The following ZNF680 variants were observed in gnomAD, a reference collection of about 807,000 sequenced individuals.
The protein encoded by ZNF680 is hypothetical protein FLJ90430.
In ZNF680, 6 loss-of-function variants were observed where a neutral mutation model predicts 12.1. That is an observed-to-expected ratio of 0.49 (90% CI 0.27 to 0.98). The LOEUF is 0.98. ZNF680 is among the 50% of genes least tolerant of loss of function. The probability of loss-of-function intolerance (pLI) is 0.12; values close to 1 mark genes in which losing one functional copy is unlikely to be tolerated. For missense variants in ZNF680, 561 were observed against 616.3 expected (o/e 0.91, Z 0.95); for synonymous variants, 170 against 199.3 (o/e 0.85, Z 1.24).
At chr7:64,515,148 ACAAG>A (rs1352583943), downstream of ZNF680, among the ~76,000 whole-genome samples, 1 of 152,128 alleles carries the variant, frequency 6.6e-6, no homozygotes, top group African/African-American at 2.4e-5. Flanking sequence ...AAACCTTTTA[ACAAG>A]CAAGGTACAC....
At chr7:64,505,695 T>C in the ZNF680 span, among the ~76,000 whole-genome samples, 1 of 152,186 alleles carries the variant, frequency 6.6e-6, no homozygotes, top group African/African-American at 2.4e-5. Context: ...ATTGACGTAA[T>C]CAGTGTTGTC....
At chr7:64,512,760 A>C in the ZNF680 span, among the ~76,000 whole-genome samples, 1 of 151,286 alleles carries the variant, frequency 6.6e-6, no homozygotes, top group Non-Finnish European at 1.5e-5. Context: ...GTAACTACTA[A>C]ATCTTTTTTT....
chr7:64,542,950 T>G (rs1786585956), intron 3 of ZNF680, among the ~76,000 whole-genome samples: 1 of 152,134 alleles, frequency 6.6e-6, no homozygotes, highest in Non-Finnish European at 1.5e-5. Flanking sequence ...CTCCCTGCCT[T>G]GGCCTCCCAA....
rs763306090 is a variant in ZNF680 at position 64,521,405 on chromosome 7, G to T, written c.1349C>A (p.Thr450Asn). The T allele has an allele frequency of 5.5e-5, 88 of 1,613,460 alleles. 4 individuals are homozygous for T. The South Asian group carries it at 9.7e-4, about 18-fold the overall frequency. The change falls in exon 4 of 4, where the codon ACT (threonine) becomes AAT (asparagine). Residue 450 changes from threonine (T) to asparagine (N), a missense_variant. Thr to Asn is a moderately conservative substitution (Grantham distance 65). Coordinates refer to ENST00000309683, the MANE Select transcript of ZNF680 (RefSeq NM_178558.5). ...GKGFTLFSTL[T>N]NHKVIHTGEK... The stretch of plus-strand genomic sequence containing the variant: ...TCCAGTATGAATTACTTTATGGTTA[G>T]TAAGGGTTGAAAATAAAGTAAAGCC...
chr7:64,516,683 C>T (rs113048805), downstream of ZNF680, among the ~76,000 whole-genome samples: 13 of 152,182 alleles, frequency 8.5e-5, no homozygotes, highest in African/African-American at 2.4e-4. Flanking sequence ...TTAATCAGGA[C>T]GTGAAACTTT....
At chr7:64,501,642 T>C in the ZNF680 span, 2 of 825,482 alleles carry the variant, frequency 2.4e-6, no homozygotes, top group Non-Finnish European at 4.1e-6. Flanking sequence ...AGGTGGGGGA[T>C]GGCCAGCTGG....
intron 3 of ZNF680, chr7:64,526,508 C>A (rs750087997): frequency 2.7e-6 from 2 of 746,520 alleles, no homozygotes; most frequent in South Asian, 1.9e-5. Context: ...CTGAGCAACA[C>A]AGTAAGACTC....
chr7:64,535,163 A>T (rs1786093553), intron 3 of ZNF680, among the ~76,000 whole-genome samples: 1 of 152,136 alleles, frequency 6.6e-6, no homozygotes. Flanking sequence ...AAAAAATAAA[A>T]GAGAATTTGA....
At chr7:64,515,606 C>T (rs1273307343), downstream of ZNF680, among the ~76,000 whole-genome samples, 2 of 152,076 alleles carry the variant, frequency 1.3e-5, no homozygotes, top group Non-Finnish European at 2.9e-5. Context: ...AATAAAAAAA[C>T]AGGCACAAAG....
At chr7:64,504,254 T>G in the ZNF680 span, among the ~76,000 whole-genome samples, 1 of 152,206 alleles carries the variant, frequency 6.6e-6, no homozygotes, top group Non-Finnish European at 1.5e-5. Flanking sequence ...TTTATATCAG[T>G]GGAAAACAGG....
intron 3 of ZNF680, among the ~76,000 whole-genome samples, chr7:64,529,772 C>T (rs553351599): frequency 6.6e-6 from 1 of 152,142 alleles, no homozygotes; most frequent in East Asian, 1.9e-4. Context: ...GAGACCTAGA[C>T]ATCCAAATAC....
At chr7:64,511,595 C>A in the ZNF680 span, among the ~76,000 whole-genome samples, 3,078 of 149,222 alleles carry the variant, frequency 0.021, 57 homozygotes, top group Middle Eastern at 0.055. Context: ...AACAAACAAA[C>A]AAAAAAAAAC....
chr7:64,522,812 CA>C (rs552102552), intron 3 of ZNF680, among the ~76,000 whole-genome samples: 58 of 151,396 alleles, frequency 3.8e-4, no homozygotes, highest in South Asian at 2.3e-3. Flanking sequence ...TTTAAATAAC[CA>C]GTGAATTTGT....
chr7:64,501,044 T>C, the ZNF680 span: 2 of 742,194 alleles, frequency 2.7e-6, no homozygotes, highest in African/African-American at 1.7e-5. Flanking sequence ...AAGGGCAGAA[T>C]AATTGCTGGC....
rs372621774 is a variant in ZNF680 at position 64,544,287 on chromosome 7, G to A, written c.157+19C>T. 2.7e-5 allele frequency: 43 copies of A among 1,596,708 alleles called. No individual in the cohort carries two copies. In the South Asian group the frequency reaches 4.4e-4, roughly 16 times the overall value. ...ACCTTTAGGGCATATTAGGAATTGT[G>A]TGTTGAAGTTATCCTCACCCAGGAA... On this transcript the variant is annotated intron_variant, in intron 2 of 3. Coordinates refer to ENST00000309683, the MANE Select transcript of ZNF680 (RefSeq NM_178558.5).
chr7:64,500,138 T>C, the ZNF680 span, among the ~76,000 whole-genome samples: 1 of 152,224 alleles, frequency 6.6e-6, no homozygotes, highest in Non-Finnish European at 1.5e-5. Context: ...CCTGTCCCTG[T>C]TGACTGTCAA....
rs1460796283 is a variant in ZNF680 at position 64,532,493 on chromosome 7, T to C, written c.254-9993A>G. 3.3e-5 allele frequency among the ~76,000 whole-genome samples: 5 copies of C among 152,180 alleles called. No homozygotes were observed. In the East Asian group the frequency reaches 9.7e-4, roughly 29 times the overall value. On this transcript the variant is annotated intron_variant, in intron 3 of 3. Coordinates refer to ENST00000309683, the MANE Select transcript of ZNF680 (RefSeq NM_178558.5). ...CTGTAAAAATAAAACCCTCCTACCCTGAACAGACCAAAAGCAAGTAGCTTT... is the reference window on the plus strand; with the variant it reads ...CTGTAAAAATAAAACCCTCCTACCCCGAACAGACCAAAAGCAAGTAGCTTT...
At chr7:64,502,225 C>G in the ZNF680 span, among the ~76,000 whole-genome samples, 1 of 151,890 alleles carries the variant, frequency 6.6e-6, no homozygotes, top group Non-Finnish European at 1.5e-5. Flanking sequence ...GTTGGCCAGG[C>G]TGGTCTTGAA....
intron 1 of ZNF680, among the ~76,000 whole-genome samples, chr7:64,546,996 TCCA>T (rs1323467237): frequency 3.3e-5 from 5 of 152,092 alleles, no homozygotes; most frequent in Admixed American, 2.6e-4. Context: ...TACGGATGCT[TCCA>T]CCAAGAACAA....
Sources: gnomAD v4.1 joint callset for allele counts (sites outside exome capture counted in the v4.1 genomes callset) on GRCh38, gnomAD v4.1.1 for gene constraint, MANE v1.5 for transcripts, NCBI Gene and HGNC (gene_info 2026-07-23, HGNC 2026-07-21) for gene names.